HTR1F: variants seen among roughly 807,000 people sequenced by gnomAD.
HTR1F encodes 5-hydroxytryptamine receptor 1F, also known as 5-hydroxytryptamine (serotonin) receptor 1F, G protein-coupled.
In HTR1F, 17 loss-of-function variants were observed where a neutral mutation model predicts 24.0. The observed-to-expected ratio is 0.71, with a 90% confidence interval of 0.48 to 1.06. The LOEUF (loss-of-function observed/expected upper bound fraction) is 1.06, where lower values mean the gene tolerates loss of function less well. HTR1F is among the 50% of genes least tolerant of loss of function. HTR1F has a pLI of 0.00. For missense variants in HTR1F, 391 were observed against 427.8 expected, an observed-to-expected ratio of 0.91 and a Z score of 0.76; for synonymous variants, 186 against 156.8, an observed-to-expected ratio of 1.19 and a Z score of -1.39.
chr3:87,950,429 C>CT (rs1266889212), intron 2 of HTR1F, among the ~76,000 whole-genome samples: 1 of 152,082 alleles, frequency 6.6e-6, no homozygotes, highest in African/African-American at 2.4e-5. Context: ...ACCATCTTTT[C>CT]TTTTTTTCTT....
intron 2 of HTR1F, among the ~76,000 whole-genome samples, chr3:87,953,967 G>A (rs1174213318): frequency 6.6e-6 from 1 of 151,792 alleles, no homozygotes; most frequent in Non-Finnish European, 1.5e-5. Context: ...TAACTTACAT[G>A]TGGAAGTTTA....
intron 2 of HTR1F, among the ~76,000 whole-genome samples, chr3:87,874,489 G>A (rs143346790): frequency 1.6e-4 from 24 of 152,048 alleles, no homozygotes; most frequent in Non-Finnish European, 2.5e-4. Context: ...AGAATTGAAG[G>A]ACGACAAAAA....
intron 2 of HTR1F, among the ~76,000 whole-genome samples, chr3:87,830,573 A>G (rs1362662574): frequency 6.6e-6 from 1 of 152,202 alleles, no homozygotes; most frequent in African/African-American, 2.4e-5. Flanking sequence ...CGTGCTATCT[A>G]TGGAAATAAT....
At chr3:87,802,955 T>C (rs1420919724) in intron 1 of HTR1F, among the ~76,000 whole-genome samples, 1 of 152,142 alleles carries the variant, frequency 6.6e-6, no homozygotes, top group Non-Finnish European at 1.5e-5. Flanking sequence ...TTTAGAATCT[T>C]GGCAGCTGCT....
intron 2 of HTR1F, among the ~76,000 whole-genome samples, chr3:87,964,076 C>T (rs1432462827): frequency 6.6e-6 from 1 of 152,124 alleles, no homozygotes; most frequent in Non-Finnish European, 1.5e-5. Flanking sequence ...CCTCTAACAC[C>T]CTCACAAGCC....
chr3:87,798,972 T>C (rs2107061000), intron 1 of HTR1F, among the ~76,000 whole-genome samples: 1 of 152,320 alleles, frequency 6.6e-6, no homozygotes, highest in East Asian at 1.9e-4. Flanking sequence ...CCATTTTATG[T>C]TTTGGTCAAA....
intron 2 of HTR1F, among the ~76,000 whole-genome samples, chr3:87,836,381 A>T (rs981261542): frequency 6.6e-6 from 1 of 152,162 alleles, no homozygotes; most frequent in Non-Finnish European, 1.5e-5. Flanking sequence ...GTCATATAAT[A>T]ATGTGTCCTA....
rs546664865 is a variant in HTR1F, at chr3:87,796,220, G to A, written c.-160+3378G>A. Among the ~76,000 whole-genome samples the A allele has an allele frequency of 5.3e-5, 8 of 152,264 alleles. No homozygotes were observed. In the South Asian group the frequency reaches 1.7e-3, roughly 32 times the overall value. ...TTTGGAGGCAAAGGTGACAAGACTTGATGATAGATTAGATATGGTGGGTGT... is the reference window on the plus strand; with the variant it reads ...TTTGGAGGCAAAGGTGACAAGACTTAATGATAGATTAGATATGGTGGGTGT... On this transcript the variant is annotated intron_variant, in intron 1 of 2. Coordinates refer to ENST00000319595, the MANE Select transcript of HTR1F (RefSeq NM_001322209.2).
chr3:87,944,171 T>G (rs1165308570), intron 2 of HTR1F, among the ~76,000 whole-genome samples: 2 of 152,172 alleles, frequency 1.3e-5, no homozygotes, highest in Non-Finnish European at 2.9e-5. Flanking sequence ...TTTACTAGTG[T>G]GCCCAACATT....
At chr3:87,850,821 A>C (rs988146751) in intron 2 of HTR1F, among the ~76,000 whole-genome samples, 2 of 151,502 alleles carry the variant, frequency 1.3e-5, no homozygotes, top group African/African-American at 4.9e-5. Flanking sequence ...AACAACAAAA[A>C]AAAAAACCTA....
Position 87,792,985 on chromosome 3 carries a change from A to G in HTR1F, c.-160+143A>G, listed in dbSNP as rs1030045896. 6.6e-5 allele frequency among the ~76,000 whole-genome samples: 10 copies of G among 152,242 alleles called. 1 individual carries two copies. Among genetic ancestry groups the G allele is most frequent in the African/African-American group, 1.7e-4 (7 of 41,468 alleles). On this transcript the variant is annotated intron_variant, in intron 1 of 2. Transcript: ENST00000319595. ...GCGGAAACGCTGGGAAGCCGGCGCCAAGTCCTTTCCCACACTACTTTGATC... is the reference window on the plus strand; with the variant it reads ...GCGGAAACGCTGGGAAGCCGGCGCCGAGTCCTTTCCCACACTACTTTGATC...
rs1365741318 is a variant in HTR1F, at chr3:87,915,698, T to G, written c.-42-75010T>G. On this transcript the variant is annotated intron_variant, in intron 2 of 2. Coordinates refer to ENST00000319595, the MANE Select transcript of HTR1F (RefSeq NM_001322209.2). Reference sequence around the variant, plus strand: ...AAATATGAACAAAGCCTCCAAGAAGTCTGGGATTATGTTAAACAATCAAAC... The same window carrying G: ...AAATATGAACAAAGCCTCCAAGAAGGCTGGGATTATGTTAAACAATCAAAC... 2.6e-5 allele frequency among the ~76,000 whole-genome samples: 4 copies of G among 152,032 alleles called. No individual in the cohort carries two copies. In the East Asian group the frequency reaches 7.7e-4, roughly 29 times the overall value.
At chr3:87,962,946 C>G (rs984021552) in intron 2 of HTR1F, among the ~76,000 whole-genome samples, 1 of 151,788 alleles carries the variant, frequency 6.6e-6, no homozygotes, top group Non-Finnish European at 1.5e-5. Flanking sequence ...TTTTAACAAC[C>G]CTGAAAATTA....
intron 2 of HTR1F, among the ~76,000 whole-genome samples, chr3:87,887,267 GC>G (rs1374249802): frequency 2.6e-5 from 4 of 152,078 alleles, no homozygotes; most frequent in Non-Finnish European, 5.9e-5. Context: ...AAACTGGCTA[GC>G]CATATGTAGA....
intron 1 of HTR1F, among the ~76,000 whole-genome samples, chr3:87,801,386 A>G (rs537377738): frequency 3.3e-5 from 5 of 152,314 alleles, no homozygotes; most frequent in African/African-American, 9.6e-5. Context: ...ACAGGTCTCA[A>G]TTAATTTAGA....
chr3:87,867,115 C>T (rs1705447208), intron 2 of HTR1F, among the ~76,000 whole-genome samples: 1 of 151,706 alleles, frequency 6.6e-6, no homozygotes, highest in Non-Finnish European at 1.5e-5. Flanking sequence ...TTTTTTCAAA[C>T]ACCAAGCCAT....
intron 2 of HTR1F, among the ~76,000 whole-genome samples, chr3:87,842,875 G>A (rs2107181741): frequency 6.6e-6 from 1 of 151,970 alleles, no homozygotes; most frequent in African/African-American, 2.4e-5. Context: ...GTTAAAAGCT[G>A]TAAAATGCCA....
chr3:87,864,901 AAAAAAGAAAAGAAAAG>A (rs1559610721), intron 2 of HTR1F, among the ~76,000 whole-genome samples: 1 of 146,452 alleles, frequency 6.8e-6, no homozygotes, highest in African/African-American at 2.7e-5. Flanking sequence ...CAAAAAAAAA[AAAAAAGAAAAGAAAAG>A]AAAAGAAAAG....
chr3:87,833,350 T>C (rs1192724962), intron 2 of HTR1F, among the ~76,000 whole-genome samples: 1 of 152,196 alleles, frequency 6.6e-6, no homozygotes, highest in Non-Finnish European at 1.5e-5. Context: ...GTCCTTGAGC[T>C]TGCTATATCA....
Sources: gnomAD v4.1 joint callset for allele counts (sites outside exome capture counted in the v4.1 genomes callset) on GRCh38, gnomAD v4.1.1 for gene constraint, MANE v1.5 for transcripts, NCBI Gene and HGNC (gene_info 2026-07-23, HGNC 2026-07-21) for gene names.